DEAF1: variants seen among roughly 807,000 people sequenced by gnomAD.
DEAF1 encodes DEAF1 transcription factor, also known as deformed epidermal autoregulatory factor 1 homolog.
In DEAF1, 53 loss-of-function variants were observed where a neutral mutation model predicts 58.9. The ratio of observed to expected loss-of-function variants is 0.90; its 90% confidence interval spans 0.72 to 1.13. DEAF1 has a LOEUF of 1.13. DEAF1 is among the 50% of genes most tolerant of loss of function. The pLI is 0.00. For missense variants in DEAF1, 685 were observed against 791.4 expected (o/e 0.87, Z 1.61); for synonymous variants, 385 against 340.4 (o/e 1.13, Z -1.44).
intron 10 of DEAF1, among the ~76,000 whole-genome samples, chr11:668,327 G>A (rs1214964543): frequency 6.6e-6 from 1 of 152,152 alleles, no homozygotes; most frequent in East Asian, 1.9e-4. Flanking sequence ...TGACATTACA[G>A]AAAACGAAAA....
chr11:644,388 C>A lies in DEAF1; in HGVS notation c.*162G>T. The A allele has an allele frequency of 1.5e-6, 1 of 677,514 alleles. No individual in the cohort carries two copies. Among genetic ancestry groups the A allele is most frequent in the Non-Finnish European group, 2.7e-6 (1 of 375,570 alleles). 42.0% of individuals were successfully genotyped at this position (677,514 alleles called of 1,614,324 possible). On this transcript the variant is annotated 3_prime_UTR_variant, in exon 12 of 12. Coordinates refer to ENST00000382409, the MANE Select transcript of DEAF1 (RefSeq NM_021008.4). This position sits in a 1 kb window ranked among gnomAD's most constrained non-coding sequence, Gnocchi z 4.3. ...GGCAGGGGGAGTGCGCTTCCCAGGG[C>A]ACCATTCGCTTAAAGTGTGTTAATG... is the stretch of plus-strand genomic sequence containing the variant.
chr11:704,508 G>A (rs959860230), intron 1 of DEAF1: 2 of 1,289,372 alleles, frequency 1.6e-6, no homozygotes, highest in Non-Finnish European at 2.0e-6. Context: ...AGCGCCTCGG[G>A]CCACCTCCCT....
intron 11 of DEAF1, among the ~76,000 whole-genome samples, chr11:645,184 A>G (rs1589964425): frequency 6.6e-6 from 1 of 151,914 alleles, no homozygotes; most frequent in South Asian, 2.1e-4. Context: ...AAAAAAGTCA[A>G]ACAACAAACC....
intron 1 of DEAF1, 192 bp downstream of exon 1, chr11:694,558 TGCAGGGCGG>T (rs1179836846): frequency 2.4e-5 from 6 of 245,022 alleles, no homozygotes; most frequent in East Asian, 1.5e-4. Context: ...GGGGCAGGTG[TGCAGGGCGG>T]GTGGGGCGGG....
intron 9 of DEAF1, 67 bp from the exon 10 acceptor site, chr11:674,850 G>A (rs1457452720): frequency 8.1e-6 from 13 of 1,596,340 alleles, no homozygotes; most frequent in African/African-American, 2.7e-5. Flanking sequence ...AATGGCCTCC[G>A]TTAAAAATTC....
At chr11:702,971 G>A in intron 1 of DEAF1, 1 of 1,610,160 alleles carries the variant, frequency 6.2e-7, no homozygotes. Flanking sequence ...GACAGAGGCT[G>A]AGAGGCCGCT....
chr11:705,641 C>G (rs1403540235), intron 1 of DEAF1, among the ~76,000 whole-genome samples: 1 of 152,164 alleles, frequency 6.6e-6, no homozygotes, highest in Non-Finnish European at 1.5e-5. Context: ...TGGGTCCTGC[C>G]TGACACCCAC....
Position 674,029 on chromosome 11 carries a change from C to T in DEAF1, c.1503+507G>A, listed in dbSNP as rs117884605. 1,919 of 230,470 alleles carry T rather than the reference C, an allele frequency of 8.3e-3. 11 individuals carry two copies. Among genetic ancestry groups the T allele is most frequent in the Non-Finnish European group, 0.012 (1,425 of 115,224 alleles). The allele number at this position is 230,470 out of a possible 1,614,324, so 14.3% of individuals were successfully genotyped here. A position where few individuals can be genotyped will look rare whatever the true frequency, so the allele number is the denominator to read the frequency against. Reference sequence around the variant, plus strand: ...GAAGCTACAGAAAACATGGGCACTACGCCCTGTGAGCCTCCCACCATGCAC... The same window carrying T: ...GAAGCTACAGAAAACATGGGCACTATGCCCTGTGAGCCTCCCACCATGCAC... On this transcript the variant is annotated intron_variant, in intron 10 of 11. Transcript: ENST00000382409.
chr11:699,176 A>G (rs529917799), upstream of DEAF1: 10 of 483,830 alleles, frequency 2.1e-5, no homozygotes, highest in South Asian at 3.8e-4. Context: ...AGTGGCAGGA[A>G]GATGGAAATC....
At chr11:696,091 C>T (rs1287212238), upstream of DEAF1, among the ~76,000 whole-genome samples, 1 of 152,020 alleles carries the variant, frequency 6.6e-6, no homozygotes, top group Non-Finnish European at 1.5e-5. Context: ...GGGTGCGGAG[C>T]GGCTCTGGGG....
chr11:699,869 G>A (rs544623864), upstream of DEAF1: 19 of 440,666 alleles, frequency 4.3e-5, no homozygotes, highest in South Asian at 5.8e-4. Context: ...GACCAGTCCT[G>A]TCCACAGTCA....
At chr11:700,301 C>G in intron 1 of DEAF1, 1 of 1,420,934 alleles carries the variant, frequency 7.0e-7, no homozygotes, top group Non-Finnish European at 9.8e-7. Flanking sequence ...CTGAGGTGGG[C>G]GGATCACTTG....
chr11:705,106 G>A (rs1861655707), intron 1 of DEAF1: 1 of 205,714 alleles, frequency 4.9e-6, no homozygotes, highest in East Asian at 1.3e-4. Flanking sequence ...GCCCTCCACC[G>A]AGCTCACCTA....
At chr11:645,677 G>A (rs1858457835) in intron 11 of DEAF1, among the ~76,000 whole-genome samples, 1 of 152,206 alleles carries the variant, frequency 6.6e-6, no homozygotes, top group Non-Finnish European at 1.5e-5. Context: ...CGTGGCTGCA[G>A]AGAAAGGAGG....
intron 11 of DEAF1, among the ~76,000 whole-genome samples, chr11:652,745 G>T (rs1428631513): frequency 1.3e-5 from 2 of 151,854 alleles, no homozygotes; most frequent in Non-Finnish European, 2.9e-5. Flanking sequence ...ACAAAATATA[G>T]ACCAGCATCT....
Position 694,985 on chromosome 11 carries a change from G to C in DEAF1, c.63C>G (p.Ala21=), listed in dbSNP as rs774274067. 8.7e-7 allele frequency: 1 copy of C among 1,144,994 alleles called. No homozygotes were observed. Among genetic ancestry groups the C allele is most frequent in the South Asian group, 3.2e-5 (1 of 31,016 alleles). The allele number at this position is 1,144,994 out of a possible 1,614,324, so 70.9% of individuals were successfully genotyped here. ...LGLAEAAAVA[A]AAAVAAAAAA... is the part of the protein sequence containing the mutation. Reference sequence around the variant, plus strand: ...CGGCCGCCGCCGCCACAGCGGCCGCGGCCGCCACCGCCGCCGCCTCAGCCA... The same window carrying C: ...CGGCCGCCGCCGCCACAGCGGCCGCCGCCGCCACCGCCGCCGCCTCAGCCA... Residue 21 remains alanine, a synonymous_variant, in exon 1 of 12, where the codon GCC becomes GCG. Transcript: ENST00000382409.
At chr11:697,046 G>C (rs1861219906), upstream of DEAF1, among the ~76,000 whole-genome samples, 1 of 151,490 alleles carries the variant, frequency 6.6e-6, no homozygotes, top group Admixed American at 6.6e-5. Context: ...GTTGCAGTTG[G>C]CCAAGATCGC....
rs1491452433 is a variant in DEAF1, at chr11:644,477, A to AG, written c.*72dup. 11 of 1,161,748 alleles carry AG rather than the reference A, an allele frequency of 9.5e-6. No homozygotes were observed. The highest frequency in any genetic ancestry group is 7.6e-5 in the South Asian group (6 of 78,954). The allele number at this position is 1,161,748 out of a possible 1,614,324, so 72.0% of individuals were successfully genotyped here. ...TTCTCAACGTCCCCCCAGAGTCCTC[A>AG]GGGGGGCCTTCGACCTGCAAAAGCC... On this transcript the variant is annotated 3_prime_UTR_variant, in exon 12 of 12. Coordinates refer to ENST00000382409, the MANE Select transcript of DEAF1 (RefSeq NM_021008.4). This position sits in a 1 kb window ranked among gnomAD's most constrained non-coding sequence, Gnocchi z 4.3.
chr11:700,580 G>C (rs777139695), intron 1 of DEAF1: 1 of 1,554,156 alleles, frequency 6.4e-7, no homozygotes, highest in East Asian at 2.2e-5. Context: ...GCTGTGCCAG[G>C]TTACTTATGT....
Sources: allele counts gnomAD v4.1 joint callset (sites outside exome capture counted in the v4.1 genomes callset), GRCh38; gene constraint gnomAD v4.1.1; non-coding constraint Gnocchi (gnomAD v3.1); transcripts MANE v1.5; gene names NCBI Gene and HGNC (gene_info 2026-07-23, HGNC 2026-07-21).